Variants in STXBP4 observed in about 807,000 individuals in gnomAD.
STXBP4 encodes syntaxin-binding protein 4.
In STXBP4, 55 loss-of-function variants were observed where a neutral mutation model predicts 76.1. That is an observed-to-expected ratio of 0.72 (90% CI 0.58 to 0.91). STXBP4 has a LOEUF of 0.91. Ranked by LOEUF, STXBP4 falls within the 40% of genes least tolerant of loss-of-function variation. The pLI, the probability that STXBP4 is intolerant of heterozygous loss-of-function variation, is 0.00. For synonymous variants in STXBP4, 201 were observed against 220.2 expected (o/e 0.91, Z 0.77); for missense variants, 618 against 636.9 (o/e 0.97, Z 0.32).
rs1016821850 is a variant in STXBP4 at position 55,160,998 on chromosome 17, G to C, written c.*1087G>C. On this transcript the variant is annotated 3_prime_UTR_variant, in exon 18 of 18. Transcript: ENST00000376352. ...AACATTACTGCTCTACTCGAAACAAGATGGAAGCCTAAAGCCCAAGTCGAG... is the reference window on the plus strand; with the variant it reads ...AACATTACTGCTCTACTCGAAACAACATGGAAGCCTAAAGCCCAAGTCGAG... 1 of 152,188 alleles carries C rather than the reference G, an allele frequency of 6.6e-6. No individual in the cohort carries two copies. Among genetic ancestry groups the C allele is most frequent in the South Asian group, 2.1e-4 (1 of 4,830 alleles). The allele number at this position is 152,188 out of a possible 1,614,324, so 9.4% of individuals were successfully genotyped here.
At chr17:55,018,273 G>A (rs1209556280) in intron 8 of STXBP4, among the ~76,000 whole-genome samples, 1 of 152,178 alleles carries the variant, frequency 6.6e-6, no homozygotes, top group African/African-American at 2.4e-5. Flanking sequence ...GATCAGGAAC[G>A]GCAATGGGCA....
chr17:54,996,520 A>G (rs2077806386), intron 4 of STXBP4, among the ~76,000 whole-genome samples: 2 of 152,164 alleles, frequency 1.3e-5, no homozygotes, highest in Admixed American at 6.6e-5. Context: ...TCCACAACAG[A>G]TATGGAAGTC....
chr17:55,202,426 A>T, the STXBP4 span, among the ~76,000 whole-genome samples: 1 of 151,616 alleles, frequency 6.6e-6, no homozygotes, highest in Non-Finnish European at 1.5e-5. Context: ...TAATTTCACA[A>T]AATTAAATGA....
chr17:55,197,019 T>C, the STXBP4 span, among the ~76,000 whole-genome samples: 1 of 152,264 alleles, frequency 6.6e-6, no homozygotes, highest in African/African-American at 2.4e-5. Context: ...TCCTTAGATC[T>C]ATGGAAGGCA....
intron 7 of STXBP4, among the ~76,000 whole-genome samples, chr17:55,006,019 G>GTGTGTGTATATATATACAC (rs1450387789): frequency 3.3e-5 from 5 of 151,820 alleles, no homozygotes; most frequent in Non-Finnish European, 7.4e-5. Flanking sequence ...ATATGTATAT[G>GTGTGTGTATATATATACAC]TGTGTGTATA....
chr17:54,995,747 A>T (rs2077790967), intron 4 of STXBP4, among the ~76,000 whole-genome samples: 1 of 152,182 alleles, frequency 6.6e-6, no homozygotes, highest in Non-Finnish European at 1.5e-5. Context: ...AACCAGTCCC[A>T]CTGGTGGGAG....
At chr17:55,205,057 G>T in the STXBP4 span, among the ~76,000 whole-genome samples, 1 of 152,084 alleles carries the variant, frequency 6.6e-6, no homozygotes, top group African/African-American at 2.4e-5. Flanking sequence ...ATGGCCAGAA[G>T]TGAAATTCCA....
chr17:55,007,717 T>G lies in STXBP4; in HGVS notation c.666+120T>G, dbSNP rs535938939. ...TTTCTTGAAGTTACTTATTTACAAT[T>G]AAATGAATGGCAGTTTGGATTTAAA... On this transcript the variant is annotated intron_variant, in intron 8 of 17. Coordinates refer to ENST00000376352, the MANE Select transcript of STXBP4 (RefSeq NM_178509.6). The G allele has an allele frequency of 2.2e-4, 155 of 700,810 alleles. No homozygotes were observed. The African/African-American group carries it at 2.3e-3, about 11-fold the overall frequency. The allele number at this position is 700,810 out of a possible 1,614,324, so 43.4% of individuals were successfully genotyped here.
chr17:54,996,555 C>T (rs952811164), intron 4 of STXBP4, among the ~76,000 whole-genome samples: 4 of 152,062 alleles, frequency 2.6e-5, no homozygotes, highest in Non-Finnish European at 5.9e-5. Context: ...TTATTTAACA[C>T]GTATAATGTG....
At chr17:55,188,270 C>A in the STXBP4 span, among the ~76,000 whole-genome samples, 1 of 152,174 alleles carries the variant, frequency 6.6e-6, no homozygotes, top group Non-Finnish European at 1.5e-5. Flanking sequence ...GTGTAACTCA[C>A]GGTAAGTTGC....
At chr17:55,076,495 T>G (rs1350902992) in intron 13 of STXBP4, among the ~76,000 whole-genome samples, 1 of 152,188 alleles carries the variant, frequency 6.6e-6, no homozygotes, top group Non-Finnish European at 1.5e-5. Flanking sequence ...TTTAATATCT[T>G]TCACTGTTTT....
intron 1 of STXBP4, among the ~76,000 whole-genome samples, chr17:54,971,770 T>C (rs543161928): frequency 5.2e-4 from 79 of 151,138 alleles, no homozygotes; most frequent in South Asian, 2.1e-4. Context: ...TCTTTTCTTG[T>C]CTTTTTCTTT....
chr17:55,178,861 G>A, the STXBP4 span, among the ~76,000 whole-genome samples: 5 of 152,152 alleles, frequency 3.3e-5, no homozygotes, highest in East Asian at 1.9e-4. Context: ...GGAGGAAGAG[G>A]CCTAACCCAT....
chr17:55,158,332 C>T (rs1212680554), intron 17 of STXBP4, among the ~76,000 whole-genome samples: 3 of 152,168 alleles, frequency 2.0e-5, no homozygotes, highest in East Asian at 1.9e-4. Flanking sequence ...CTTAAGTAAT[C>T]GTTGTAAGTA....
At chr17:55,012,639 T>G (rs944309583) in intron 8 of STXBP4, among the ~76,000 whole-genome samples, 2 of 152,176 alleles carry the variant, frequency 1.3e-5, no homozygotes, top group East Asian at 3.9e-4. Flanking sequence ...TGTATATATA[T>G]TTACCCTTTT....
chr17:55,045,082 A>G (rs1301201494), intron 11 of STXBP4, among the ~76,000 whole-genome samples: 1 of 152,098 alleles, frequency 6.6e-6, no homozygotes, highest in East Asian at 1.9e-4. Flanking sequence ...CACAGAATGA[A>G]TGTCTGAAAA....
intron 17 of STXBP4, among the ~76,000 whole-genome samples, chr17:55,152,983 A>G (rs2080233000): frequency 1.3e-5 from 2 of 152,072 alleles, no homozygotes; most frequent in Admixed American, 1.3e-4. Context: ...ACTGACACCA[A>G]CCCAGATAAC....
In STXBP4 at chr17:55,027,054, T is replaced by G. The variant is rs968194048; in HGVS notation, c.667-4114T>G. On this transcript the variant is annotated intron_variant, in intron 8 of 17. Coordinates refer to ENST00000376352, the MANE Select transcript of STXBP4 (RefSeq NM_178509.6). ...CAAGTGAGAGACCTGCATTGCCAAGTGCATGGGAGCTAGATGAGGCTTACT... is the reference window on the plus strand; with the variant it reads ...CAAGTGAGAGACCTGCATTGCCAAGGGCATGGGAGCTAGATGAGGCTTACT... Among the ~76,000 whole-genome samples the G allele has an allele frequency of 1.3e-5, 2 of 152,262 alleles. 1 individual carries two copies. The highest frequency in any genetic ancestry group is 4.2e-4 in the South Asian group (2 of 4,810).
intron 17 of STXBP4, among the ~76,000 whole-genome samples, chr17:55,149,641 A>G (rs1567782895): frequency 6.6e-6 from 1 of 152,148 alleles, no homozygotes; most frequent in Non-Finnish European, 1.5e-5. Flanking sequence ...GACAGTATTT[A>G]CACAACTGCA....
Sources: gnomAD v4.1 joint callset for allele counts (sites outside exome capture counted in the v4.1 genomes callset) on GRCh38, gnomAD v4.1.1 for gene constraint, MANE v1.5 for transcripts, NCBI Gene and HGNC (gene_info 2026-07-23, HGNC 2026-07-21) for gene names.